Variants in EPHA6 observed in about 807,000 individuals in gnomAD.
EPHA6 encodes ephrin type-A receptor 6.
EPHA6 carries 50 observed loss-of-function variants against 112.0 expected under a neutral mutation model. The observed-to-expected ratio is 0.45, with a 90% CI of 0.36 to 0.56. EPHA6 has a LOEUF of 0.56. EPHA6 is among the 20% of genes least tolerant of loss of function. EPHA6 has a pLI of 0.00. For synonymous variants in EPHA6, 529 were observed against 490.7 expected, an observed-to-expected ratio of 1.08 and a Z score of -1.03; for missense variants, 1,280 against 1,417.4, an observed-to-expected ratio of 0.90 and a Z score of 1.56.
chr3:97,437,135 GT>G (rs2089892249), intron 6 of EPHA6, among the ~76,000 whole-genome samples: 1 of 151,486 alleles, frequency 6.6e-6, no homozygotes, highest in East Asian at 1.9e-4. Flanking sequence ...TTTGTCCAAT[GT>G]GGCCAGGGAA....
intron 5 of EPHA6, among the ~76,000 whole-genome samples, chr3:97,381,719 A>T (rs1456230586): frequency 1.3e-5 from 2 of 152,154 alleles, no homozygotes; most frequent in African/African-American, 4.8e-5. Context: ...TACAAATGCA[A>T]CATTTTGTCA....
chr3:97,278,556 A>G (rs919602133), intron 5 of EPHA6, among the ~76,000 whole-genome samples: 1 of 152,208 alleles, frequency 6.6e-6, no homozygotes, highest in Non-Finnish European at 1.5e-5. Context: ...CAGGTTGTCA[A>G]TTCTAGGAAA....
At chr3:96,844,595 G>C (rs545735502) in intron 1 of EPHA6, among the ~76,000 whole-genome samples, 1 of 151,946 alleles carries the variant, frequency 6.6e-6, no homozygotes, top group African/African-American at 2.4e-5. Flanking sequence ...TAGTATAGAC[G>C]TGTAGCATGG....
At chr3:97,649,764 T>TCACA (rs3064341) in intron 14 of EPHA6, among the ~76,000 whole-genome samples, 68 of 148,132 alleles carry the variant, frequency 4.6e-4, no homozygotes, top group East Asian at 1.4e-3. Flanking sequence ...AAATCACTAT[T>TCACA]CACACACACA....
At position 96,858,003 on chromosome 3, in the gene EPHA6, G is replaced by A. The variant is rs144986468; in HGVS notation, c.386-8822G>A. Among the ~76,000 whole-genome samples, 985 of 151,950 alleles carry A rather than the reference G, an allele frequency of 6.5e-3. 7 individuals are homozygous for A. Among genetic ancestry groups the A allele is most frequent in the African/African-American group, 0.021 (881 of 41,442 alleles). On this transcript the variant is annotated intron_variant, in intron 1 of 17. Coordinates refer to ENST00000389672, the MANE Select transcript of EPHA6 (RefSeq NM_001080448.3). ...GCAGTTCAGCTCTACCTTTTTTAGC[G>A]TCTAAAGGAACTAGAGTATAGGTAA... is the stretch of plus-strand genomic sequence containing the variant.
At chr3:97,486,943 C>T (rs2091713422) in intron 10 of EPHA6, among the ~76,000 whole-genome samples, 1 of 151,982 alleles carries the variant, frequency 6.6e-6, no homozygotes, top group African/African-American at 2.4e-5. Context: ...ATTTTCTTTC[C>T]CCAGCTATTG....
chr3:97,611,938 A>G (rs936552792), intron 13 of EPHA6, among the ~76,000 whole-genome samples: 5 of 151,864 alleles, frequency 3.3e-5, no homozygotes, highest in African/African-American at 1.2e-4. Context: ...GTGATGATAT[A>G]TTTATACTCT....
intron 3 of EPHA6, among the ~76,000 whole-genome samples, chr3:97,135,441 C>G (rs1019285933): frequency 2.6e-5 from 4 of 152,038 alleles, no homozygotes; most frequent in Non-Finnish European, 5.9e-5. Context: ...ATTTTGTTGA[C>G]ACACAATAAA....
chr3:97,455,704 A>T (rs1172130837), intron 7 of EPHA6, among the ~76,000 whole-genome samples: 1 of 152,052 alleles, frequency 6.6e-6, no homozygotes, highest in African/African-American at 2.4e-5. Flanking sequence ...ATATTTCTGG[A>T]TTAATGTACA....
chr3:97,437,063 T>C (rs1483702753), intron 6 of EPHA6, among the ~76,000 whole-genome samples: 1 of 152,126 alleles, frequency 6.6e-6, no homozygotes, highest in African/African-American at 2.4e-5. Context: ...ATTTTTCTTT[T>C]TTTAGCTCAT....
intron 3 of EPHA6, among the ~76,000 whole-genome samples, chr3:97,102,979 C>A (rs1037137726): frequency 1.3e-5 from 2 of 151,770 alleles, no homozygotes; most frequent in Non-Finnish European, 2.9e-5. Flanking sequence ...TTAATAGGAT[C>A]TTTTTGTCTT....
At chr3:96,829,949 G>GCGCACACACACACA (rs373416797) in intron 1 of EPHA6, among the ~76,000 whole-genome samples, 4 of 136,034 alleles carry the variant, frequency 2.9e-5, no homozygotes, top group African/African-American at 8.9e-5. Flanking sequence ...GCGCGCGCGC[G>GCGCACACACACACA]CACACACACA....
intron 10 of EPHA6, among the ~76,000 whole-genome samples, chr3:97,517,014 C>T (rs926638425): frequency 6.6e-6 from 1 of 152,034 alleles, no homozygotes; most frequent in Non-Finnish European, 1.5e-5. Context: ...CAAACCATGT[C>T]TTCATGGTTA....
chr3:97,020,505 A>G (rs530756629), intron 3 of EPHA6, among the ~76,000 whole-genome samples: 1 of 152,340 alleles, frequency 6.6e-6, no homozygotes, highest in African/African-American at 2.4e-5. Context: ...AAGAGTCAAG[A>G]AAATGCAGGA....
intron 3 of EPHA6, among the ~76,000 whole-genome samples, chr3:97,205,013 ACT>A (rs2077679823): frequency 1.3e-5 from 2 of 152,036 alleles, no homozygotes; most frequent in Admixed American, 1.3e-4. Flanking sequence ...TAGGTTTGTA[ACT>A]CTTGCAAATC....
At chr3:97,144,046 A>C (rs1445469235) in intron 3 of EPHA6, among the ~76,000 whole-genome samples, 1 of 151,702 alleles carries the variant, frequency 6.6e-6, no homozygotes, top group Non-Finnish European at 1.5e-5. Context: ...TGGTTTTTGC[A>C]GTCTCCGTGA....
At chr3:97,126,754 A>G (rs2048191918) in intron 3 of EPHA6, among the ~76,000 whole-genome samples, 1 of 152,172 alleles carries the variant, frequency 6.6e-6, no homozygotes, top group Non-Finnish European at 1.5e-5. Flanking sequence ...AATACAGGAG[A>G]ACCAAATTAA....
chr3:96,907,956 G>A (rs1256616935), intron 2 of EPHA6, among the ~76,000 whole-genome samples: 3 of 151,874 alleles, frequency 2.0e-5, no homozygotes, highest in Admixed American at 6.6e-5. Flanking sequence ...GTTATTGTGC[G>A]AAGACCATGG....
At chr3:97,240,178 G>A (rs142530259) in intron 4 of EPHA6, among the ~76,000 whole-genome samples, 10 of 151,800 alleles carry the variant, frequency 6.6e-5, no homozygotes, top group South Asian at 4.2e-4. Flanking sequence ...TCATTGATAC[G>A]TATGTATCAA....
Sources: gnomAD v4.1 joint callset for allele counts (sites outside exome capture counted in the v4.1 genomes callset) on GRCh38, gnomAD v4.1.1 for gene constraint, MANE v1.5 for transcripts, NCBI Gene and HGNC (gene_info 2026-07-23, HGNC 2026-07-21) for gene names.